GLIS3: variants seen among roughly 807,000 people sequenced by gnomAD.
The protein encoded by GLIS3 is GLIS family zinc finger 3.
Under a neutral mutation model 78.6 loss-of-function variants are expected in GLIS3, and 53 were observed. The ratio of observed to expected loss-of-function variants is 0.67; its 90% CI spans 0.54 to 0.85. The LOEUF is 0.85. Ranked by LOEUF, GLIS3 falls within the 40% of genes least tolerant of loss-of-function variation. GLIS3 has a pLI of 0.00. For missense variants in GLIS3, 1,703 were observed against 1,231.1 expected, an observed-to-expected ratio of 1.38 and a Z score of -5.74; for synonymous variants, 684 against 509.9, an observed-to-expected ratio of 1.34 and a Z score of -4.60.
chr9:4,129,146 TCATAATGCCAGAAA>T (rs972313830), intron 2 of GLIS3, among the ~76,000 whole-genome samples: 5 of 152,228 alleles, frequency 3.3e-5, no homozygotes, highest in African/African-American at 9.6e-5. Flanking sequence ...TAAGTGTTTT[TCATAATGCCAGAAA>T]CATAATGAAC....
At chr9:4,193,456 C>T (rs1311344201) in intron 2 of GLIS3, among the ~76,000 whole-genome samples, 1 of 152,188 alleles carries the variant, frequency 6.6e-6, no homozygotes, top group East Asian at 1.9e-4. Flanking sequence ...AAAAGGTTTG[C>T]AGACTCCTGT....
At chr9:3,996,105 A>T (rs117583140) in intron 4 of GLIS3, among the ~76,000 whole-genome samples, 36 of 152,318 alleles carry the variant, frequency 2.4e-4, no homozygotes, top group Admixed American at 8.5e-4. Flanking sequence ...CATCAGGAGG[A>T]ATCATATCTT....
intron 4 of GLIS3, among the ~76,000 whole-genome samples, chr9:4,094,323 G>C (rs1829770971): frequency 6.6e-6 from 1 of 152,162 alleles, no homozygotes; most frequent in Non-Finnish European, 1.5e-5. Flanking sequence ...GCTCATATGT[G>C]GCTAGTGAGA....
In GLIS3 at chr9:4,077,692, C is replaced by T. The variant is rs557339086; in HGVS notation, c.1710+40076G>A. On this transcript the variant is annotated intron_variant, in intron 4 of 10. Transcript: ENST00000381971. ...CCTGTCGGCCTCTACCAACAGGGGGCGCGGGGGGGTAAGTGAAGGAAAGAG... is the reference window on the plus strand; with the variant it reads ...CCTGTCGGCCTCTACCAACAGGGGGTGCGGGGGGGTAAGTGAAGGAAAGAG... Among the ~76,000 whole-genome samples, 19 of 152,034 alleles carry T rather than the reference C, an allele frequency of 1.2e-4. No individual in the cohort carries two copies. The South Asian group carries it at 1.9e-3, about 15-fold the overall frequency.
chr9:4,410,714 A>G, the GLIS3 span, among the ~76,000 whole-genome samples: 1 of 152,200 alleles, frequency 6.6e-6, no homozygotes, highest in African/African-American at 2.4e-5. Context: ...AGGATACTCA[A>G]CTTTGCATTC....
At chr9:4,025,623 T>C (rs1252233326) in intron 4 of GLIS3, among the ~76,000 whole-genome samples, 1 of 152,122 alleles carries the variant, frequency 6.6e-6, no homozygotes, top group African/African-American at 2.4e-5. Flanking sequence ...CCTGACCTTG[T>C]GATCCGCCCG....
At position 3,998,872 on chromosome 9, in the gene GLIS3, C is replaced by A. The variant is rs369478242; in HGVS notation, c.1711-61683G>T. On this transcript the variant is annotated intron_variant, in intron 4 of 10. Coordinates refer to ENST00000381971, the MANE Select transcript of GLIS3 (RefSeq NM_001042413.2). ...GGTATTCTCCAATCATTATCACTTT[C>A]AATACAATTACCACTGACACCATCT... Among the ~76,000 whole-genome samples, 4 of 151,606 alleles carry A rather than the reference C, an allele frequency of 2.6e-5. No homozygotes were observed. The East Asian group carries it at 7.7e-4, about 29-fold the overall frequency.
intron 4 of GLIS3, among the ~76,000 whole-genome samples, chr9:4,100,782 C>A (rs1425065557): frequency 6.6e-6 from 1 of 152,110 alleles, no homozygotes; most frequent in African/African-American, 2.4e-5. Flanking sequence ...CATAGAAAGC[C>A]ATTTTACTCA....
In GLIS3 at chr9:4,328,033, G is replaced by A. The variant is rs112409655; in HGVS notation, n.265-17505C>T. Among the ~76,000 whole-genome samples the A allele has an allele frequency of 4.0e-3, 614 of 152,264 alleles. 5 individuals carry two copies. The highest frequency in any genetic ancestry group is 0.014 in the African/African-American group (569 of 41,544). ...CATGTCGAATGCATGTTCCTGTGTTGTTCACTCTCCCACTCCTCACTGTTA... is the reference window on the plus strand; with the variant it reads ...CATGTCGAATGCATGTTCCTGTGTTATTCACTCTCCCACTCCTCACTGTTA... On this transcript the variant is annotated intron_variant and non_coding_transcript_variant, in intron 2 of 4. Coordinates refer to the GLIS3 transcript ENST00000471664.
intron 2 of GLIS3, among the ~76,000 whole-genome samples, chr9:4,263,716 T>A (rs779241042): frequency 6.6e-6 from 1 of 152,034 alleles, no homozygotes; most frequent in Non-Finnish European, 1.5e-5. Context: ...TGCAATAGAG[T>A]ATTTTGTGGC....
chr9:4,169,224 T>C (rs1008160062), intron 2 of GLIS3, among the ~76,000 whole-genome samples: 1 of 152,202 alleles, frequency 6.6e-6, no homozygotes. Context: ...AAGGAAAGCA[T>C]GAGGAAAGTC....
chr9:4,271,325 G>A (rs1826487845), intron 2 of GLIS3, among the ~76,000 whole-genome samples: 1 of 152,126 alleles, frequency 6.6e-6, no homozygotes, highest in South Asian at 2.1e-4. Flanking sequence ...TAGGCTACCA[G>A]TAGTTATGTT....
chr9:4,159,855 A>G (rs1374091757), intron 2 of GLIS3, among the ~76,000 whole-genome samples: 1 of 152,214 alleles, frequency 6.6e-6, no homozygotes, highest in Non-Finnish European at 1.5e-5. Context: ...AGGAGTTAAG[A>G]CGGCAAGCCA....
rs544136847 is a variant in GLIS3, at chr9:3,896,441, G to C, written c.2128+2250C>G. Reference sequence around the variant, plus strand: ...GCACTTTTGGAGGCCGAGGTGGGTGGATCACCTGAGGTCAGGAGTTTGAGA... The same window carrying C: ...GCACTTTTGGAGGCCGAGGTGGGTGCATCACCTGAGGTCAGGAGTTTGAGA... On this transcript the variant is annotated intron_variant, in intron 7 of 10. Transcript: ENST00000381971. Among the ~76,000 whole-genome samples the C allele has an allele frequency of 1.8e-4, 27 of 151,988 alleles. No individual in the cohort carries two copies. The South Asian group carries it at 5.0e-3, about 28-fold the overall frequency.
chr9:3,879,688 G>A (rs1414225604), intron 7 of GLIS3, 93 bp from the exon 8 acceptor site: 7 of 1,378,664 alleles, frequency 5.1e-6, no homozygotes, highest in Non-Finnish European at 7.1e-6. Context: ...TATTTGAGGG[G>A]CTTGCTTGTT....
At chr9:4,204,782 C>T (rs1259226196) in intron 2 of GLIS3, among the ~76,000 whole-genome samples, 2 of 151,814 alleles carry the variant, frequency 1.3e-5, no homozygotes, top group Admixed American at 1.3e-4. Context: ...GGCGTGGTGG[C>T]AGGCACCTGT....
chr9:4,143,337 C>T (rs1833952310), intron 2 of GLIS3, among the ~76,000 whole-genome samples: 1 of 151,958 alleles, frequency 6.6e-6, no homozygotes, highest in Non-Finnish European at 1.5e-5. Flanking sequence ...GAGGCTGAGG[C>T]GGGCAGATCA....
intron 8 of GLIS3, among the ~76,000 whole-genome samples, chr9:3,869,701 G>C (rs1289930176): frequency 1.3e-5 from 2 of 152,126 alleles, no homozygotes; most frequent in Admixed American, 1.3e-4. Flanking sequence ...TCCCCTCATT[G>C]GTCTTTTACC....
chr9:3,951,880 A>ACG (rs1408259824), intron 4 of GLIS3, among the ~76,000 whole-genome samples: 6 of 150,216 alleles, frequency 4.0e-5, no homozygotes, highest in Non-Finnish European at 7.4e-5. Flanking sequence ...ACACACACAC[A>ACG]CACACGCACG....
Sources: gnomAD v4.1 joint callset for allele counts (sites outside exome capture counted in the v4.1 genomes callset) on GRCh38, gnomAD v4.1.1 for gene constraint, MANE v1.5 for transcripts, NCBI Gene and HGNC (gene_info 2026-07-23, HGNC 2026-07-21) for gene names.